Variants in ZMAT4 observed in about 807,000 individuals in gnomAD.
ZMAT4 encodes the protein zinc finger matrin-type 4, also known as zinc finger matrin-type protein 4.
Under a neutral mutation model 28.7 loss-of-function variants are expected in ZMAT4, and 17 were observed. That is an observed-to-expected ratio of 0.59 (90% CI 0.41 to 0.89). ZMAT4 has a LOEUF of 0.89. ZMAT4 is among the 40% of genes least tolerant of loss of function. The probability of loss-of-function intolerance (pLI) is 0.00; values close to 1 mark genes in which losing one functional copy is unlikely to be tolerated. For missense variants in ZMAT4, 240 were observed against 283.8 expected (o/e 0.85, Z 1.11); for synonymous variants, 117 against 109.2 (o/e 1.07, Z -0.44).
chr8:40,557,556 A>C (rs1803586876), intron 6 of ZMAT4, among the ~76,000 whole-genome samples: 1 of 152,202 alleles, frequency 6.6e-6, no homozygotes, highest in Non-Finnish European at 1.5e-5. Context: ...TCCATTCTTC[A>C]ACAACTCAAG....
At chr8:40,819,992 C>T (rs1021880571) in intron 2 of ZMAT4, among the ~76,000 whole-genome samples, 5 of 151,880 alleles carry the variant, frequency 3.3e-5, no homozygotes, top group Non-Finnish European at 7.4e-5. Flanking sequence ...TAAGTGAAAC[C>T]AGGTCTAGAA....
At chr8:40,768,204 T>C (rs770249753) in intron 2 of ZMAT4, among the ~76,000 whole-genome samples, 1 of 152,102 alleles carries the variant, frequency 6.6e-6, no homozygotes, top group African/African-American at 2.4e-5. Context: ...ACTTCATTAA[T>C]AAGCTATCAA....
chr8:40,842,011 A>T (rs1177358066), intron 1 of ZMAT4, among the ~76,000 whole-genome samples: 4 of 152,220 alleles, frequency 2.6e-5, no homozygotes, highest in Non-Finnish European at 5.9e-5. Flanking sequence ...CCACTTTCTG[A>T]TTAGAAAATG....
chr8:40,647,306 G>C (rs1049570240), intron 5 of ZMAT4, among the ~76,000 whole-genome samples: 5 of 152,208 alleles, frequency 3.3e-5, no homozygotes, highest in African/African-American at 1.2e-4. Context: ...GTCAAAGAAA[G>C]GGGTGACAGA....
At chr8:40,781,952 T>C (rs1426436318) in intron 2 of ZMAT4, among the ~76,000 whole-genome samples, 2 of 152,106 alleles carry the variant, frequency 1.3e-5, no homozygotes, top group African/African-American at 4.8e-5. Context: ...TCAAAATGTA[T>C]TGTAGGCCTT....
chr8:40,857,270 G>C (rs545342667), intron 1 of ZMAT4, among the ~76,000 whole-genome samples: 1 of 152,050 alleles, frequency 6.6e-6, no homozygotes, highest in Non-Finnish European at 1.5e-5. Flanking sequence ...CAGAAGGATC[G>C]TTTGAGTCAG....
chr8:40,573,017 G>T (rs1016314632), intron 6 of ZMAT4, among the ~76,000 whole-genome samples: 2 of 152,074 alleles, frequency 1.3e-5, no homozygotes, highest in Non-Finnish European at 2.9e-5. Context: ...CCTATAACCT[G>T]AAGATAAGAA....
chr8:40,818,618 A>G (rs1016864977), intron 2 of ZMAT4, among the ~76,000 whole-genome samples: 1 of 152,218 alleles, frequency 6.6e-6, no homozygotes, highest in Non-Finnish European at 1.5e-5. Flanking sequence ...ATCCTGCCAT[A>G]AAGACTTTTC....
At chr8:40,786,263 A>G (rs1814076189) in intron 2 of ZMAT4, among the ~76,000 whole-genome samples, 1 of 152,194 alleles carries the variant, frequency 6.6e-6, no homozygotes, top group Non-Finnish European at 1.5e-5. Context: ...TGAATTTACA[A>G]AATTGGGCCA....
chr8:40,870,139 G>C lies in ZMAT4; in HGVS notation c.-5+27544C>G, dbSNP rs141681343. ...TATAAAGGAAATCTGATGAGTGAAT[G>C]TATCTGTACCAGGAAAAGGGCTGCT... On this transcript the variant is annotated intron_variant, in intron 1 of 6. Coordinates refer to ENST00000297737, the MANE Select transcript of ZMAT4 (RefSeq NM_024645.3). 5.5e-3 allele frequency among the ~76,000 whole-genome samples: 845 copies of C among 152,316 alleles called. 3 individuals carry two copies. The highest frequency in any genetic ancestry group is 0.011 in the Admixed American group (174 of 15,304).
chr8:40,845,821 G>A (rs892305720), intron 1 of ZMAT4, among the ~76,000 whole-genome samples: 3 of 151,674 alleles, frequency 2.0e-5, no homozygotes, highest in Admixed American at 6.6e-5. Flanking sequence ...AGGGTGGAGG[G>A]GGCAGGGAGG....
At chr8:40,618,205 A>C (rs1806080502) in intron 5 of ZMAT4, among the ~76,000 whole-genome samples, 1 of 152,198 alleles carries the variant, frequency 6.6e-6, no homozygotes, top group African/African-American at 2.4e-5. Context: ...GAGGAACTTT[A>C]AAATATCAGT....
At chr8:40,738,928 A>T (rs1160083318) in intron 3 of ZMAT4, among the ~76,000 whole-genome samples, 1 of 152,216 alleles carries the variant, frequency 6.6e-6, no homozygotes, top group East Asian at 1.9e-4. Flanking sequence ...ATTAATCGTG[A>T]AATTTAGTGC....
intron 3 of ZMAT4, among the ~76,000 whole-genome samples, chr8:40,736,952 A>C (rs1444799609): frequency 6.6e-6 from 1 of 152,220 alleles, no homozygotes; most frequent in Non-Finnish European, 1.5e-5. Context: ...CAGGGAATAG[A>C]GGTAGCTCTG....
chr8:40,811,112 A>G (rs1815296602), intron 2 of ZMAT4, among the ~76,000 whole-genome samples: 1 of 152,216 alleles, frequency 6.6e-6, no homozygotes, highest in African/African-American at 2.4e-5. Flanking sequence ...CAGTAATAAT[A>G]TACCTTACGG....
chr8:40,684,686 A>G (rs1809322212), intron 4 of ZMAT4, among the ~76,000 whole-genome samples: 1 of 152,262 alleles, frequency 6.6e-6, no homozygotes, highest in African/African-American at 2.4e-5. Context: ...ATATTTATAG[A>G]GAATTCAAAG....
At chr8:40,731,634 C>T (rs948967185) in intron 3 of ZMAT4, among the ~76,000 whole-genome samples, 1 of 152,182 alleles carries the variant, frequency 6.6e-6, no homozygotes, top group Non-Finnish European at 1.5e-5. Context: ...CTGAAGAGCA[C>T]CTGATGGCAA....
intron 5 of ZMAT4, among the ~76,000 whole-genome samples, chr8:40,605,159 T>G (rs767427873): frequency 2.6e-5 from 4 of 152,188 alleles, no homozygotes; most frequent in Non-Finnish European, 5.9e-5. Flanking sequence ...TTGTATTGTT[T>G]TCCGTTTGTT....
chr8:40,571,639 C>T (rs1185858326), intron 6 of ZMAT4, among the ~76,000 whole-genome samples: 1 of 152,104 alleles, frequency 6.6e-6, no homozygotes, highest in Non-Finnish European at 1.5e-5. Context: ...CACCACAAGT[C>T]TTACTTTCAG....
Sources: gnomAD v4.1 joint callset for allele counts (sites outside exome capture counted in the v4.1 genomes callset) on GRCh38, gnomAD v4.1.1 for gene constraint, MANE v1.5 for transcripts, NCBI Gene and HGNC (gene_info 2026-07-23, HGNC 2026-07-21) for gene names.